SNRPA1: variants seen among roughly 807,000 people sequenced by gnomAD.
SNRPA1 encodes small nuclear ribonucleoprotein polypeptide A', also known as U2 small nuclear ribonucleoprotein A'.
In SNRPA1, 5 loss-of-function variants were observed where a neutral mutation model predicts 32.3. That is an observed-to-expected ratio of 0.15 (90% CI 0.08 to 0.33). The LOEUF is 0.33. Ranked by LOEUF, SNRPA1 falls within the 10% of genes least tolerant of loss-of-function variation. The pLI, the probability that SNRPA1 is intolerant of heterozygous loss-of-function variation, is 1.00. For synonymous variants in SNRPA1, 111 were observed against 120.1 expected (o/e 0.92, Z 0.50); for missense variants, 198 against 311.1 (o/e 0.64, Z 2.74).
chr15:101,285,644 T>C (rs2039446472), intron 7 of SNRPA1, 82 bp downstream of exon 7: 1 of 947,544 alleles, frequency 1.1e-6, no homozygotes, highest in Non-Finnish European at 1.7e-6. Flanking sequence ...ATCTGCAATG[T>C]TCGGAACATG....
chr15:101,291,937 T>C (rs1319223038), intron 3 of SNRPA1, 25 bp downstream of exon 3: 3 of 1,519,746 alleles, frequency 2.0e-6, no homozygotes, highest in Non-Finnish European at 1.8e-6. Flanking sequence ...ACCCACCAAA[T>C]ACATTTTCCT....
At chr15:101,290,740 A>ATTTTT (rs766825971) in intron 3 of SNRPA1, among the ~76,000 whole-genome samples, 39 of 118,576 alleles carry the variant, frequency 3.3e-4, no homozygotes, top group Non-Finnish European at 1.1e-4. Context: ...CACTTTTGGC[A>ATTTTT]TTTTTTTTTT....
rs77756142 is a variant in SNRPA1 at position 101,282,030 on chromosome 15, T to C, written c.710-248A>G. Reference sequence around the variant, plus strand: ...AGATTTCAAAATTGTTGCCTCCCATTGTAGTTGATAATAATTCATTTTTGG... The same window carrying C: ...AGATTTCAAAATTGTTGCCTCCCATCGTAGTTGATAATAATTCATTTTTGG... On this transcript the variant is annotated intron_variant, in intron 8 of 8. Coordinates refer to ENST00000254193, the MANE Select transcript of SNRPA1 (RefSeq NM_003090.4). 5.8e-3 allele frequency among the ~76,000 whole-genome samples: 880 copies of C among 152,352 alleles called. 28 individuals are homozygous for C. In the East Asian group the frequency reaches 0.093, roughly 16 times the overall value.
chr15:101,292,118 TCA>T (rs1415150482), intron 2 of SNRPA1, 78 bp from the exon 3 acceptor site: 1 of 971,478 alleles, frequency 1.0e-6, no homozygotes, highest in Admixed American at 1.8e-5. Flanking sequence ...GCTCAGAGGA[TCA>T]CAGAGAGACA....
intron 7 of SNRPA1, 134 bp from the exon 8 acceptor site, chr15:101,285,194 G>A (rs2039441461): frequency 1.6e-6 from 1 of 608,026 alleles, no homozygotes; most frequent in Non-Finnish European, 2.9e-6. Context: ...TTTGGTGTAG[G>A]GGGAAGAATG....
intron 8 of SNRPA1, among the ~76,000 whole-genome samples, chr15:101,283,547 C>T (rs1207735703): frequency 1.3e-5 from 2 of 151,722 alleles, no homozygotes; most frequent in East Asian, 1.9e-4. Flanking sequence ...GCCTGGGCGA[C>T]AGAGCGAGAC....
intron 5 of SNRPA1, 177 bp downstream of exon 5, chr15:101,286,731 A>G (rs2039459106): frequency 1.9e-6 from 1 of 537,826 alleles, no homozygotes; most frequent in Non-Finnish European, 3.3e-6. Flanking sequence ...CCAACTTAAA[A>G]GTTCTATCAT....
chr15:101,287,680 G>C lies in SNRPA1; in HGVS notation c.332C>G (p.Ser111Cys). Reference sequence around the variant, plus strand: ...CCTTAGGTAAGTCAGCGATTTGAGAGATGCCAGAGGGTCCAGATCACCCTG... The same window carrying C: ...CCTTAGGTAAGTCAGCGATTTGAGACATGCCAGAGGGTCCAGATCACCCTG... ...VELGDLDPLASLKSLTYLSIL... is the reference protein window; with the variant it reads ...VELGDLDPLACLKSLTYLSIL... The change falls in exon 4 of 9, where the codon TCT becomes TGT. Residue 111 changes from serine (S) to cysteine (C), a missense_variant. Ser to Cys is a moderately radical substitution (Grantham distance 112). Coordinates refer to ENST00000254193, the MANE Select transcript of SNRPA1 (RefSeq NM_003090.4). 2.5e-6 allele frequency: 4 copies of C among 1,613,922 alleles called. No homozygotes were observed. The highest frequency in any genetic ancestry group is 3.4e-6 in the Non-Finnish European group (4 of 1,179,814).
Position 101,284,880 on chromosome 15 carries a change from A to AT in SNRPA1, c.709+86dup, listed in dbSNP as rs1268415270. The AT allele has an allele frequency of 1.1e-5, 11 of 963,624 alleles. No homozygotes were observed. In the Admixed American group the frequency reaches 1.9e-4, roughly 16 times the overall value. 59.7% of individuals were successfully genotyped at this position (963,624 alleles called of 1,614,324 possible). On this transcript the variant is annotated intron_variant, in intron 8 of 8. Coordinates refer to ENST00000254193, the MANE Select transcript of SNRPA1 (RefSeq NM_003090.4). ...TGATGTAAGGAGGCACTACTCTGGC[A>AT]TTCCAGAGTCATGGCATCTAAATGG...
At chr15:101,293,814 T>C (rs2039555398) in intron 1 of SNRPA1, among the ~76,000 whole-genome samples, 1 of 152,210 alleles carries the variant, frequency 6.6e-6, no homozygotes, top group Non-Finnish European at 1.5e-5. Context: ...AAGCAAGGTC[T>C]ACTAAAAAAA....
chr15:101,283,991 T>A (rs1369066323), intron 8 of SNRPA1, among the ~76,000 whole-genome samples: 1 of 152,240 alleles, frequency 6.6e-6, no homozygotes, highest in Non-Finnish European at 1.5e-5. Flanking sequence ...TCAAACATTA[T>A]TTCCCTAGGA....
At chr15:101,295,028 C>G (rs1258988366) in intron 1 of SNRPA1, 69 bp downstream of exon 1, 1 of 1,074,026 alleles carries the variant, frequency 9.3e-7, no homozygotes, top group East Asian at 3.2e-5. Context: ...TCGGTGCACG[C>G]GGCAAAGCGC....
intron 2 of SNRPA1, 138 bp downstream of exon 2, chr15:101,292,887 C>G: frequency 2.0e-6 from 1 of 509,142 alleles, no homozygotes; most frequent in East Asian, 3.5e-5. Flanking sequence ...AATATTTTTT[C>G]AAAATATAAA....
intron 8 of SNRPA1, among the ~76,000 whole-genome samples, chr15:101,283,393 T>TAAAAA (rs879422585): frequency 3.6e-5 from 5 of 137,770 alleles, no homozygotes; most frequent in African/African-American, 1.3e-4. Flanking sequence ...CTGTCTCTAC[T>TAAAAA]AAAAAAAAAA....
At position 101,281,844 on chromosome 15, in the gene SNRPA1, C is replaced by A. The variant is rs1596468558; in HGVS notation, c.710-62G>T. On this transcript the variant is annotated intron_variant, in intron 8 of 8. Coordinates refer to ENST00000254193, the MANE Select transcript of SNRPA1 (RefSeq NM_003090.4). ...TTAGAGAATCCATTCCCTTAGCATG[C>A]AAGTGTTTGTTCTGTGGCCACTGTT... 4 of 1,498,544 alleles carry A rather than the reference C, an allele frequency of 2.7e-6. No individual in the cohort carries two copies. The East Asian group carries it at 6.8e-5, about 25-fold the overall frequency. The allele number at this position is 1,498,544 out of a possible 1,614,324, so 92.8% of individuals were successfully genotyped here.
chr15:101,282,677 C>T (rs914499822), intron 8 of SNRPA1, among the ~76,000 whole-genome samples: 8 of 152,110 alleles, frequency 5.3e-5, no homozygotes, highest in African/African-American at 1.7e-4. Flanking sequence ...TGTGGTTCAC[C>T]GACTTTTGCA....
At chr15:101,287,598 G>T in intron 4 of SNRPA1, 58 bp downstream of exon 4, 1 of 1,414,324 alleles carries the variant, frequency 7.1e-7, no homozygotes, top group Non-Finnish European at 1.0e-6. Flanking sequence ...GGTCAAGGCT[G>T]GTAAAAGTAA....
At chr15:101,285,839 C>T (rs746176000) in intron 6 of SNRPA1, 38 bp from the exon 7 acceptor site, 6 of 1,497,022 alleles carry the variant, frequency 4.0e-6, no homozygotes, top group Non-Finnish European at 5.6e-6. Flanking sequence ...AGACCTAGAC[C>T]AACAGAAGTT....
At position 101,281,655 on chromosome 15, in the gene SNRPA1, C is replaced by T; in HGVS notation, c.*69G>A. 8.9e-7 allele frequency: 1 copy of T among 1,117,560 alleles called. No individual in the cohort carries two copies. Among genetic ancestry groups the T allele is most frequent in the Non-Finnish European group, 1.4e-6 (1 of 727,922 alleles). The allele number at this position is 1,117,560 out of a possible 1,614,324, so 69.2% of individuals were successfully genotyped here. A position where few individuals can be genotyped will look rare whatever the true frequency, so the allele number is the denominator to read the frequency against. ...TTCCACTTTGCTAACACAAACAAGG[C>T]TATTATACCATGTTCGAAAAGCAAG... is the stretch of plus-strand genomic sequence containing the variant. On this transcript the variant is annotated 3_prime_UTR_variant, in exon 9 of 9. Transcript: ENST00000254193.
Sources: gnomAD v4.1 joint callset for allele counts (sites outside exome capture counted in the v4.1 genomes callset) on GRCh38, gnomAD v4.1.1 for gene constraint, MANE v1.5 for transcripts, NCBI Gene and HGNC (gene_info 2026-07-23, HGNC 2026-07-21) for gene names.